Variants in SLC4A4 observed in about 807,000 individuals in gnomAD.
The protein encoded by SLC4A4 is electrogenic sodium bicarbonate cotransporter 1.
A neutral mutation model predicts 111.5 loss-of-function variants in SLC4A4; 27 were observed. The observed-to-expected ratio is 0.24, with a 90% CI of 0.18 to 0.33. SLC4A4 has a LOEUF of 0.33. SLC4A4 is among the 10% of genes least tolerant of loss of function. The pLI is 1.00. For missense variants in SLC4A4, 909 were observed against 1,315.5 expected (o/e 0.69, Z 4.78); for synonymous variants, 443 against 463.4 (o/e 0.96, Z 0.57).
In SLC4A4 at chr4:71,357,009, G is replaced by A; in HGVS notation, c.552G>A (p.Glu184=). 6.2e-7 allele frequency: 1 copy of A among 1,613,772 alleles called. No homozygotes were observed. Among genetic ancestry groups the A allele is most frequent in the East Asian group, 2.2e-5 (1 of 44,876 alleles). ...TTTTTGCTTTTGTTTTTGTACCAGA[G>A]ATGATTGTTGACCATCAGATTGAGA... ...REASSLPQLV[E]MIVDHQIETG... is the part of the protein sequence containing the mutation. The change falls in exon 6 of 26, where the codon GAG becomes GAA. Residue 184 remains glutamate (E), a splice_region_variant and synonymous_variant. Transcript: ENST00000264485.
intron 18 of SLC4A4, among the ~76,000 whole-genome samples, chr4:71,536,515 TAGAC>T (rs1734515201): frequency 7.0e-6 from 1 of 142,632 alleles, no homozygotes; most frequent in African/African-American, 2.6e-5. Flanking sequence ...TATTTATTTT[TAGAC>T]AGAGTCTTGC....
intron 7 of SLC4A4, among the ~76,000 whole-genome samples, chr4:71,430,893 C>T (rs1235480382): frequency 6.6e-6 from 1 of 152,102 alleles, no homozygotes; most frequent in African/African-American, 2.4e-5. Context: ...GTAGACCAAC[C>T]ACTCTTGTCA....
At chr4:71,140,535 T>TTG (rs1743966685) in intron 2 of SLC4A4, among the ~76,000 whole-genome samples, 1 of 152,220 alleles carries the variant, frequency 6.6e-6, no homozygotes, top group Non-Finnish European at 1.5e-5. Flanking sequence ...TTTCCAGTTG[T>TTG]ATTCATCACA....
At chr4:71,098,444 TG>T (rs1322470695) in intron 2 of SLC4A4, among the ~76,000 whole-genome samples, 1 of 152,212 alleles carries the variant, frequency 6.6e-6, no homozygotes, top group Non-Finnish European at 1.5e-5. Context: ...TAGTGTAGTT[TG>T]AAGTCAGGTA....
At chr4:71,354,894 C>T (rs184393050) in intron 5 of SLC4A4, among the ~76,000 whole-genome samples, 1 of 152,260 alleles carries the variant, frequency 6.6e-6, no homozygotes, top group East Asian at 1.9e-4. Flanking sequence ...TTCAGCTCTG[C>T]TATCATCTAG....
chr4:71,534,036 G>T (rs926684301), intron 17 of SLC4A4, among the ~76,000 whole-genome samples, 191 bp from the exon 18 acceptor site: 35 of 151,938 alleles, frequency 2.3e-4, no homozygotes, highest in Non-Finnish European at 4.7e-4. Flanking sequence ...TTTCTTTAAA[G>T]AATTGCCTCA....
chr4:71,451,645 G>T (rs1725771303), intron 11 of SLC4A4, among the ~76,000 whole-genome samples: 1 of 152,086 alleles, frequency 6.6e-6, no homozygotes, highest in African/African-American at 2.4e-5. Flanking sequence ...ACAAAGAATG[G>T]CAACATTTGA....
At chr4:71,211,926 T>C (rs1718157924) in intron 1 of SLC4A4, among the ~76,000 whole-genome samples, 3 of 152,178 alleles carry the variant, frequency 2.0e-5, no homozygotes, top group Admixed American at 2.0e-4. Flanking sequence ...CCAGGGATTT[T>C]TTTTAGAATT....
intron 18 of SLC4A4, among the ~76,000 whole-genome samples, chr4:71,537,327 A>G (rs1355603825): frequency 6.6e-6 from 1 of 152,026 alleles, no homozygotes; most frequent in Admixed American, 6.6e-5. Context: ...GTCTACATAT[A>G]TGTGTGTATA....
chr4:71,348,545 G>A (rs1013994610), intron 4 of SLC4A4, among the ~76,000 whole-genome samples: 2 of 152,160 alleles, frequency 1.3e-5, no homozygotes, highest in African/African-American at 4.8e-5. Context: ...TTAGAATTGT[G>A]GGTAAGGTTG....
chr4:71,455,117 A>G (rs1450212609), intron 12 of SLC4A4, among the ~76,000 whole-genome samples: 1 of 152,200 alleles, frequency 6.6e-6, no homozygotes, highest in Non-Finnish European at 1.5e-5. Flanking sequence ...ATGTGTACGC[A>G]GTATTGCTTC....
intron 15 of SLC4A4, among the ~76,000 whole-genome samples, chr4:71,488,621 T>C (rs1351843293): frequency 6.6e-6 from 1 of 151,656 alleles, no homozygotes; most frequent in Admixed American, 6.6e-5. Flanking sequence ...CTCCAGAGGG[T>C]AAATCACCTT....
In SLC4A4 at chr4:71,137,619, T is replaced by C. The variant is rs538957746; in HGVS notation, c.-2+44827T>C. 4.6e-5 allele frequency among the ~76,000 whole-genome samples: 7 copies of C among 152,338 alleles called. No individual in the cohort carries two copies. The South Asian group carries it at 6.2e-4, about 14-fold the overall frequency. ...CAACTTCATTCTTCCCTTTGCTTTC[T>C]GCAAATTTCATGGACAGCCAACAAT... On this transcript the variant is annotated intron_variant, in intron 2 of 26. Transcript: ENST00000649996.
intron 2 of SLC4A4, among the ~76,000 whole-genome samples, chr4:71,095,213 A>C (rs1487243867): frequency 6.6e-6 from 1 of 152,208 alleles, no homozygotes; most frequent in East Asian, 1.9e-4. Flanking sequence ...TGCAGTACCT[A>C]GAAAACTGTA....
chr4:71,093,207 C>T (rs1056459471), intron 2 of SLC4A4, among the ~76,000 whole-genome samples: 4 of 151,738 alleles, frequency 2.6e-5, no homozygotes, highest in Admixed American at 2.6e-4. Flanking sequence ...CTTGCTCTAT[C>T]ACCAGGCTGG....
At chr4:71,429,414 A>G (rs1486656789) in intron 7 of SLC4A4, among the ~76,000 whole-genome samples, 5 of 152,106 alleles carry the variant, frequency 3.3e-5, no homozygotes, top group Non-Finnish European at 7.4e-5. Flanking sequence ...AGAAAATAAG[A>G]AAGGTTAAAA....
chr4:71,541,977 C>A (rs1735110379), intron 18 of SLC4A4, among the ~76,000 whole-genome samples: 1 of 152,000 alleles, frequency 6.6e-6, no homozygotes, highest in African/African-American at 2.4e-5. Flanking sequence ...CATTCAGATA[C>A]TTTTAACTCA....
chr4:71,148,133 A>T (rs143656126), intron 2 of SLC4A4, among the ~76,000 whole-genome samples: 173 of 152,318 alleles, frequency 1.1e-3, no homozygotes, highest in African/African-American at 4.0e-3. Flanking sequence ...CTTATGTTCC[A>T]TCTTTCTTCT....
intron 1 of SLC4A4, among the ~76,000 whole-genome samples, chr4:71,209,061 TTG>T (rs1305858569): frequency 6.6e-6 from 1 of 152,212 alleles, no homozygotes; most frequent in African/African-American, 2.4e-5. Context: ...TTCAGAAAGT[TTG>T]TGTCAAATTT....
Sources: allele counts gnomAD v4.1 joint callset (sites outside exome capture counted in the v4.1 genomes callset), GRCh38; gene constraint gnomAD v4.1.1; transcripts MANE v1.5; gene names NCBI Gene and HGNC (gene_info 2026-07-23, HGNC 2026-07-21).